The following LMAN2 variants were observed in gnomAD, a reference collection of about 807,000 sequenced individuals.
The protein encoded by LMAN2 is vesicular integral-membrane protein VIP36.
Under a neutral mutation model 39.3 loss-of-function variants are expected in LMAN2, and 22 were observed. The ratio of observed to expected loss-of-function variants is 0.56; its 90% CI spans 0.40 to 0.80. LMAN2 has a LOEUF of 0.80. Ranked by LOEUF, LMAN2 falls within the 30% of genes least tolerant of loss-of-function variation. The pLI, the probability that LMAN2 is intolerant of heterozygous loss-of-function variation, is 0.00. For missense variants in LMAN2, 494 were observed against 505.4 expected (o/e 0.98, Z 0.22); for synonymous variants, 207 against 207.8 (o/e 1.00, Z 0.03).
chr5:177,332,293 G>A lies in LMAN2; in HGVS notation c.911-47C>T, dbSNP rs747046156. On this transcript the variant is annotated intron_variant, in intron 7 of 7. Coordinates refer to ENST00000303127, the MANE Select transcript of LMAN2 (RefSeq NM_006816.3). The surrounding 1 kb of genome is among the most constrained non-coding windows in gnomAD (Gnocchi z 6.3). ...AGCTGAAACGGCAGCACGGGCCGGG[G>A]ATCAGGGGGCTGCAGGAGGGCAGTG... The A allele has an allele frequency of 6.3e-7, 1 of 1,577,012 alleles. No homozygotes were observed. Among genetic ancestry groups the A allele is most frequent in the Non-Finnish European group, 8.7e-7 (1 of 1,155,450 alleles).
intron 6 of LMAN2, among the ~76,000 whole-genome samples, chr5:177,336,662 T>C (rs73330446): frequency 0.054 from 8,289 of 152,256 alleles, 720 homozygotes; most frequent in African/African-American, 0.19. Flanking sequence ...CAGGTGCCAC[T>C]GACATCCCGA....
In LMAN2 at chr5:177,351,662, GGC is replaced by G; in HGVS notation, c.-17_-16del. On this transcript the variant is annotated 5_prime_UTR_variant, in exon 1 of 8. Coordinates refer to ENST00000303127, the MANE Select transcript of LMAN2 (RefSeq NM_006816.3). ...TCCGCCGCCATTCTCCTCTCCTCTC[GGC>G]CACTTCCGCCCTAGAACTTCCGCCT... 6.4e-7 allele frequency: 1 copy of G among 1,563,106 alleles called. No homozygotes were observed. Among genetic ancestry groups the G allele is most frequent in the East Asian group, 2.3e-5 (1 of 44,200 alleles).
At chr5:177,333,650 G>T (rs141113335) in intron 7 of LMAN2, among the ~76,000 whole-genome samples, 122 of 152,330 alleles carry the variant, frequency 8.0e-4, no homozygotes, top group African/African-American at 2.9e-3. Flanking sequence ...TGGACCCCCA[G>T]GCACACATCT....
At chr5:177,340,481 A>G (rs373017599) in intron 2 of LMAN2, among the ~76,000 whole-genome samples, 7 of 152,122 alleles carry the variant, frequency 4.6e-5, no homozygotes, top group African/African-American at 1.7e-4. Flanking sequence ...GTTCTCCTTA[A>G]AAACAGAGAA....
intron 2 of LMAN2, among the ~76,000 whole-genome samples, chr5:177,350,617 T>G (rs1394498196): frequency 1.3e-5 from 2 of 152,234 alleles, no homozygotes; most frequent in Non-Finnish European, 2.9e-5. Flanking sequence ...TCGAGTGAAC[T>G]GCTGGGCTTA....
chr5:177,331,965 T>C lies in LMAN2; in HGVS notation c.*121A>G. ...AGAAGCAAAATGTATGAAAATACTTTAATCATTTATTTGAAACAGTTAAGA... is the reference window on the plus strand; with the variant it reads ...AGAAGCAAAATGTATGAAAATACTTCAATCATTTATTTGAAACAGTTAAGA... On this transcript the variant is annotated 3_prime_UTR_variant, in exon 8 of 8. Coordinates refer to ENST00000303127, the MANE Select transcript of LMAN2 (RefSeq NM_006816.3). The C allele has an allele frequency of 8.7e-7, 1 of 1,155,348 alleles. No individual in the cohort carries two copies. The highest frequency in any genetic ancestry group is 2.6e-5 in the East Asian group (1 of 38,414). The allele number at this position is 1,155,348 out of a possible 1,614,324, so 71.6% of individuals were successfully genotyped here. A position where few individuals can be genotyped will look rare whatever the true frequency, so the allele number is the denominator to read the frequency against.
intron 2 of LMAN2, among the ~76,000 whole-genome samples, chr5:177,344,118 C>T (rs1761598703): frequency 6.6e-6 from 1 of 151,340 alleles, no homozygotes. Context: ...ACTCAGGACA[C>T]TAAGCAGGAG....
At chr5:177,336,420 C>T (rs747708187) in intron 6 of LMAN2, among the ~76,000 whole-genome samples, 1 of 152,224 alleles carries the variant, frequency 6.6e-6, no homozygotes, top group South Asian at 2.1e-4. Flanking sequence ...TTACTGAAGG[C>T]GATTACACGG....
chr5:177,345,403 T>C (rs547444079), intron 2 of LMAN2, among the ~76,000 whole-genome samples: 1 of 118,664 alleles, frequency 8.4e-6, no homozygotes, highest in Non-Finnish European at 1.8e-5. Context: ...CTGAAGAAAA[T>C]AGTTTCATAA....
At chr5:177,350,561 G>A (rs1361802871) in intron 2 of LMAN2, among the ~76,000 whole-genome samples, 1 of 152,176 alleles carries the variant, frequency 6.6e-6, no homozygotes, top group African/African-American at 2.4e-5. Flanking sequence ...TGCAAAAAGG[G>A]TTCTAAGGGG....
Position 177,351,553 on chromosome 5 carries a change from G to A in LMAN2, c.95C>T (p.Pro32Leu). The change falls in exon 1 of 8, where the codon CCT (proline) becomes CTT (leucine). Residue 32 changes from proline (P) to leucine (L), a missense_variant. Pro to Leu is a moderately conservative substitution (Grantham distance 98, BLOSUM62 -3). Transcript: ENST00000303127. ...CCCCAACAACAAAAGAAGAAAGAGAGGTGTAGTGGGGCCAGGGCCGGGGCC... is the reference window on the plus strand; with the variant it reads ...CCCCAACAACAAAAGAAGAAAGAGAAGTGTAGTGGGGCCAGGGCCGGGGCC... Reference protein sequence around the residue: ...LLGPGPGPTTPLFLLLLLGSV... With the variant: ...LLGPGPGPTTLLFLLLLLGSV... 1 of 1,614,250 alleles carries A rather than the reference G, an allele frequency of 6.2e-7. No homozygotes were observed. The highest frequency in any genetic ancestry group is 8.5e-7 in the Non-Finnish European group (1 of 1,180,038).
rs186829044 is a variant in LMAN2 at position 177,332,367 on chromosome 5, C to A, written c.911-121G>T. 6 of 875,740 alleles carry A rather than the reference C, an allele frequency of 6.9e-6. No individual in the cohort carries two copies. Among genetic ancestry groups the A allele is most frequent in the Admixed American group, 2.4e-5 (1 of 41,320 alleles). The allele number at this position is 875,740 out of a possible 1,614,324, so 54.2% of individuals were successfully genotyped here. A position where few individuals can be genotyped will look rare whatever the true frequency, so the allele number is the denominator to read the frequency against. The stretch of plus-strand genomic sequence containing the variant: ...ACGGTGGGCAGGCCGGTCGTACTCA[C>A]CCCCCTCACCGGGGAGGGGCAGAGG... On this transcript the variant is annotated intron_variant, in intron 7 of 7. Transcript: ENST00000303127. The surrounding 1 kb of genome is among the most constrained non-coding windows in gnomAD (Gnocchi z 6.3).
chr5:177,342,778 A>T (rs1308431620), intron 2 of LMAN2, among the ~76,000 whole-genome samples: 1 of 151,944 alleles, frequency 6.6e-6, no homozygotes, highest in African/African-American at 2.4e-5. Flanking sequence ...TTTAGTAAAG[A>T]TTTCTTGGAT....
At position 177,351,473 on chromosome 5, in the gene LMAN2, A is replaced by G; in HGVS notation, c.175T>C (p.Ser59Pro). The change falls in exon 1 of 8, where the codon TCG (serine) becomes CCG (proline). Residue 59 changes from serine (S) to proline (P), a missense_variant. Transcript: ENST00000303127. ...GNSEHLKREH[S>P]LIKPYQGVGS... ...TCACCTTGGTAGGGCTTAATGAGCGAATGCTCCCGCTTGAGATGTTCACTG... is the reference window on the plus strand; with the variant it reads ...TCACCTTGGTAGGGCTTAATGAGCGGATGCTCCCGCTTGAGATGTTCACTG... The G allele has an allele frequency of 6.2e-7, 1 of 1,613,634 alleles. No individual in the cohort carries two copies. Among genetic ancestry groups the G allele is most frequent in the Non-Finnish European group, 8.5e-7 (1 of 1,179,774 alleles).
intron 2 of LMAN2, among the ~76,000 whole-genome samples, chr5:177,341,062 T>C (rs1483308037): frequency 7.8e-6 from 1 of 128,702 alleles, no homozygotes; most frequent in African/African-American, 3.4e-5. Context: ...GCCTTTTTTT[T>C]TCTTTTTTTT....
chr5:177,332,284 C>A lies in LMAN2; in HGVS notation c.911-38G>T. 2 of 1,597,500 alleles carry A rather than the reference C, an allele frequency of 1.3e-6. No individual in the cohort carries two copies. Among genetic ancestry groups the A allele is most frequent in the Non-Finnish European group, 1.7e-6 (2 of 1,171,046 alleles). The stretch of plus-strand genomic sequence containing the variant: ...AAACGGGGGAGCTGAAACGGCAGCA[C>A]GGGCCGGGGATCAGGGGGCTGCAGG... On this transcript the variant is annotated intron_variant, in intron 7 of 7. Coordinates refer to ENST00000303127, the MANE Select transcript of LMAN2 (RefSeq NM_006816.3). This position sits in a 1 kb window ranked among gnomAD's most constrained non-coding sequence, Gnocchi z 6.3.
At position 177,345,030 on chromosome 5, in the gene LMAN2, GC is replaced by G. The variant is rs528277901; in HGVS notation, c.315+6142del. Among the ~76,000 whole-genome samples, 8 of 151,962 alleles carry G rather than the reference GC, an allele frequency of 5.3e-5. No homozygotes were observed. The East Asian group carries it at 1.6e-3, about 30-fold the overall frequency. On this transcript the variant is annotated intron_variant, in intron 2 of 7. Coordinates refer to ENST00000303127, the MANE Select transcript of LMAN2 (RefSeq NM_006816.3). ...AACAGTGGAAACATTTTTTTACATA[GC>G]CATGACATCTTTTAAATGCCATTGT... is the stretch of plus-strand genomic sequence containing the variant.
chr5:177,336,981 G>C (rs1041229467), intron 6 of LMAN2, 155 bp downstream of exon 6: 1 of 631,208 alleles, frequency 1.6e-6, no homozygotes, highest in Non-Finnish European at 2.8e-6. Flanking sequence ...CAGGAACTGA[G>C]GCCCGGACAG....
In LMAN2 at chr5:177,337,795, T is replaced by C. The variant is rs1242669709; in HGVS notation, c.434-10A>G. ...CTTCCAAACACAGGCCCTAGAATTA[T>C]AAGCAGATGCTCTCAGAATGGGAGA... On this transcript the variant is annotated splice_polypyrimidine_tract_variant and intron_variant, in intron 3 of 7. Coordinates refer to ENST00000303127, the MANE Select transcript of LMAN2 (RefSeq NM_006816.3). The surrounding 1 kb of genome is among the most constrained non-coding windows in gnomAD (Gnocchi z 8.2). The C allele has an allele frequency of 2.5e-6, 4 of 1,612,988 alleles. No homozygotes were observed. The highest frequency in any genetic ancestry group is 3.4e-6 in the Non-Finnish European group (4 of 1,179,480).
Sources: allele counts gnomAD v4.1 joint callset (sites outside exome capture counted in the v4.1 genomes callset), GRCh38; gene constraint gnomAD v4.1.1; non-coding constraint Gnocchi (gnomAD v3.1); transcripts MANE v1.5; gene names NCBI Gene and HGNC (gene_info 2026-07-23, HGNC 2026-07-21).